Variants in ZFHX2 observed in about 807,000 individuals in gnomAD.
ZFHX2 encodes the protein zinc finger homeobox protein 2.
Under a neutral mutation model 164.8 loss-of-function variants are expected in ZFHX2, and 75 were observed. The ratio of observed to expected loss-of-function variants is 0.46; its 90% confidence interval spans 0.38 to 0.55. The LOEUF is 0.55. Among genes scored for constraint, ZFHX2 ranks in the 20% least tolerant of loss-of-function variants. The pLI, the probability that ZFHX2 is intolerant of heterozygous loss-of-function variation, is 0.00. For synonymous variants in ZFHX2, 1,217 were observed against 1,351.4 expected (o/e 0.90, Z 2.18); for missense variants, 2,933 against 3,308.0 (o/e 0.89, Z 2.78).
rs1881453522 is a variant in ZFHX2 at position 23,546,949 on chromosome 14, C to G, written c.-50+4394G>C. On this transcript the variant is annotated intron_variant, in intron 1 of 9. Transcript: ENST00000419474. This position sits in a 1 kb window ranked among gnomAD's most constrained non-coding sequence, Gnocchi z 4.7. ...AGACTGTCCTCCAGCACTCCCAGCT[C>G]TCTCCCCTGTCTTCTTTTGTAGATT... 6.6e-6 allele frequency among the ~76,000 whole-genome samples: 1 copy of G among 152,208 alleles called. No individual in the cohort carries two copies. Among genetic ancestry groups the G allele is most frequent in the African/African-American group, 2.4e-5 (1 of 41,450 alleles).
At position 23,521,656 on chromosome 14, in the gene ZFHX2, G is replaced by T. The variant is rs1363630679; in HGVS notation, c.*306C>A. On this transcript the variant is annotated 3_prime_UTR_variant, in exon 10 of 10. Transcript: ENST00000419474. Reference sequence around the variant, plus strand: ...GAACCAAGGATATATTTTGTGTGTGGTAGGCAGACATGTATGAATAATCAG... The same window carrying T: ...GAACCAAGGATATATTTTGTGTGTGTTAGGCAGACATGTATGAATAATCAG... 5.7e-6 allele frequency: 2 copies of T among 348,798 alleles called. No homozygotes were observed. The highest frequency in any genetic ancestry group is 4.2e-5 in the African/African-American group (2 of 47,192). The allele number at this position is 348,798 out of a possible 1,614,324, so 21.6% of individuals were successfully genotyped here.
At chr14:23,551,806 T>C (rs1013368514), upstream of ZFHX2, among the ~76,000 whole-genome samples, 3 of 152,078 alleles carry the variant, frequency 2.0e-5, no homozygotes, top group Non-Finnish European at 4.4e-5. This position sits in a 1 kb window ranked among gnomAD's most constrained non-coding sequence, Gnocchi z 5.3. Context: ...ACTGAGCAGG[T>C]GCAGCGACCC....
In ZFHX2 at chr14:23,522,764, C is replaced by G. The variant is rs1446252748; in HGVS notation, c.6917G>C (p.Gly2306Ala). The change falls in exon 10 of 10, where the codon GGG (glycine) becomes GCG (alanine). Residue 2306 changes from glycine to alanine, a missense_variant. Transcript: ENST00000419474. Reference protein sequence around the residue: ...PVPGPPTEPLGDKVSSERKPV... With the variant: ...PVPGPPTEPLADKVSSERKPV... ...CTTTCGCTCACTGGAGACCTTGTCC[C>G]CCAAGGGCTCAGTAGGAGGGCCTGG... is the stretch of plus-strand genomic sequence containing the variant. The G allele has an allele frequency of 6.5e-7, 1 of 1,536,418 alleles. No homozygotes were observed. Among genetic ancestry groups the G allele is most frequent in the African/African-American group, 1.4e-5 (1 of 73,140 alleles).
At position 23,533,821 on chromosome 14, in the gene ZFHX2, T is replaced by C. The variant is rs745408525; in HGVS notation, c.1505A>G (p.Asn502Ser). 1.9e-6 allele frequency: 3 copies of C among 1,543,496 alleles called. No individual in the cohort carries two copies. Among genetic ancestry groups the C allele is most frequent in the Admixed American group, 1.9e-5 (1 of 51,498 alleles). ...HPRLARGESY[N>S]CGYKPYRCDV... ...ACAGCGGTAGGGTTTGTAGCCACAGTTGTAGCTCTCTCCACGAGCAAGGCG... is the reference window on the plus strand; with the variant it reads ...ACAGCGGTAGGGTTTGTAGCCACAGCTGTAGCTCTCTCCACGAGCAAGGCG... Residue 502 changes from asparagine (N) to serine (S), a missense_variant, in exon 2 of 10, where the codon AAC becomes AGC. Transcript: ENST00000419474. The surrounding 1 kb of genome is among the most constrained non-coding windows in gnomAD (Gnocchi z 4.8).
Position 23,524,654 on chromosome 14 carries a change from G to A in ZFHX2, c.5288C>T (p.Pro1763Leu), listed in dbSNP as rs894642740. Residue 1763 changes from proline (P) to leucine (L), a missense_variant, in exon 9 of 10, where the codon CCA becomes CTA. Physicochemically the swap from Pro to Leu is moderately conservative, Grantham distance 98. Coordinates refer to ENST00000419474, the MANE Select transcript of ZFHX2 (RefSeq NM_033400.3). This position sits in a 1 kb window ranked among gnomAD's most constrained non-coding sequence, Gnocchi z 5.6. ...ACAGGTATGGGCTGGGGAAGGTGAT[G>A]GAGTAGCCTTCTCTTCAGGCTCTTT... ...GGKEPEEKAT[P>L]SPSPAHTCDQ... 9.8e-6 allele frequency: 15 copies of A among 1,536,276 alleles called. No individual in the cohort carries two copies. In the Middle Eastern group the frequency reaches 5.0e-4, roughly 51 times the overall value.
At position 23,549,354 on chromosome 14, in the gene ZFHX2, T is replaced by C. The variant is rs202242776; in HGVS notation, c.-50+1989A>G. Among the ~76,000 whole-genome samples the C allele has an allele frequency of 2.0e-5, 3 of 152,120 alleles. No homozygotes were observed. In the East Asian group the frequency reaches 5.8e-4, roughly 29 times the overall value. ...TTAATTCTGTTCACCTCTGAAATCG[T>C]CCATCTTCTGCCCATGTCTGCCTGC... On this transcript the variant is annotated intron_variant, in intron 1 of 9. Transcript: ENST00000419474.
Position 23,551,088 on chromosome 14 carries a change from T to C in ZFHX2, c.-50+255A>G, listed in dbSNP as rs1168846225. Among the ~76,000 whole-genome samples the C allele has an allele frequency of 6.7e-6, 1 of 148,474 alleles. No homozygotes were observed. Among genetic ancestry groups the C allele is most frequent in the African/African-American group, 2.5e-5 (1 of 39,818 alleles). On this transcript the variant is annotated intron_variant, in intron 1 of 9. Coordinates refer to ENST00000419474, the MANE Select transcript of ZFHX2 (RefSeq NM_033400.3). This position sits in a 1 kb window ranked among gnomAD's most constrained non-coding sequence, Gnocchi z 5.3. ...CCGTTTCTCCCTCCACCCCCGCATC[T>C]CTCTTCCCCCATCCTCGCGCACGCC...
chr14:23,545,372 G>A (rs529855101), intron 1 of ZFHX2, among the ~76,000 whole-genome samples: 79 of 152,264 alleles, frequency 5.2e-4, no homozygotes, highest in African/African-American at 1.9e-3. Flanking sequence ...ATTTCCCTGC[G>A]GAGGGGTCAG....
rs1878192051 is a variant in ZFHX2, at chr14:23,522,815, G to A, written c.6866C>T (p.Ser2289Phe). The change falls in exon 10 of 10, where the codon TCC becomes TTC. Residue 2289 changes from serine to phenylalanine, a missense_variant. Physicochemically the swap from Ser to Phe is radical, Grantham distance 155 (BLOSUM62 -2). Coordinates refer to ENST00000419474, the MANE Select transcript of ZFHX2 (RefSeq NM_033400.3). ...GACAGGGTCAGTGGTGCCTGCTGTG[G>A]AGGTGTTGGTTTGGTCGGGCATGGG... is the stretch of plus-strand genomic sequence containing the variant. The part of the protein sequence containing the change: ...QRPMPDQTNT[S>F]TAGTTDPVPG... 6.5e-7 allele frequency: 1 copy of A among 1,535,974 alleles called. No homozygotes were observed. The highest frequency in any genetic ancestry group is 8.7e-7 in the Non-Finnish European group (1 of 1,146,652).
In ZFHX2 at chr14:23,525,450, G is replaced by A. The variant is rs747520239; in HGVS notation, c.4492C>T (p.His1498Tyr). 4 of 1,536,040 alleles carry A rather than the reference G, an allele frequency of 2.6e-6. No individual in the cohort carries two copies. The highest frequency in any genetic ancestry group is 2.6e-6 in the Non-Finnish European group (3 of 1,146,934). ...LFSNMLILKT[H>Y]EEHVHRRFLP... ...AAGCGGCGGTGGACATGTTCCTCGTGTGTCTTGAGGATAAGCATATTGGAG... is the reference window on the plus strand; with the variant it reads ...AAGCGGCGGTGGACATGTTCCTCGTATGTCTTGAGGATAAGCATATTGGAG... The change falls in exon 9 of 10, where the codon CAC becomes TAC. Residue 1498 changes from histidine (H) to tyrosine (Y), a missense_variant. Physicochemically the swap from His to Tyr is moderately conservative, Grantham distance 83. Coordinates refer to ENST00000419474, the MANE Select transcript of ZFHX2 (RefSeq NM_033400.3). This position sits in a 1 kb window ranked among gnomAD's most constrained non-coding sequence, Gnocchi z 5.9.
In ZFHX2 at chr14:23,521,948, C is replaced by G; in HGVS notation, c.*14G>C. The G allele has an allele frequency of 2.0e-6, 3 of 1,535,900 alleles. No individual in the cohort carries two copies. The highest frequency in any genetic ancestry group is 3.3e-4 in the Middle Eastern group (2 of 5,982). On this transcript the variant is annotated 3_prime_UTR_variant, in exon 10 of 10. Transcript: ENST00000419474. ...CCCTGAGGCCCTCCCCTCTCCCCAT[C>G]TTGGTTAATCTGTTTATAAAGCTAG...
In ZFHX2 at chr14:23,535,054, C is replaced by T; in HGVS notation, c.272G>A (p.Gly91Glu). Residue 91 changes from glycine to glutamate, a missense_variant, in exon 2 of 10, where the codon GGG becomes GAG. Transcript: ENST00000419474. This position sits in a 1 kb window ranked among gnomAD's most constrained non-coding sequence, Gnocchi z 4.5. The part of the protein sequence containing the change: ...DCGHFPPNDP[G>E]VEKDKEQEEE... Reference sequence around the variant, plus strand: ...CTCCTGCTCCTTGTCCTTTTCCACCCCTGGGTCATTTGGTGGGAAGTGACC... The same window carrying T: ...CTCCTGCTCCTTGTCCTTTTCCACCTCTGGGTCATTTGGTGGGAAGTGACC... 2.0e-6 allele frequency: 3 copies of T among 1,536,236 alleles called. No individual in the cohort carries two copies. The highest frequency in any genetic ancestry group is 2.6e-6 in the Non-Finnish European group (3 of 1,146,928).
Position 23,535,445 on chromosome 14 carries a change from A to C in ZFHX2, c.-49-71T>G. Reference sequence around the variant, plus strand: ...CCCAGCTGGGCAGCTGGATCTCTGGATACTCCTGCCCCATCCTCTTCCCTG... The same window carrying C: ...CCCAGCTGGGCAGCTGGATCTCTGGCTACTCCTGCCCCATCCTCTTCCCTG... On this transcript the variant is annotated intron_variant, in intron 1 of 9. Transcript: ENST00000419474. This position sits in a 1 kb window ranked among gnomAD's most constrained non-coding sequence, Gnocchi z 4.5. 1 of 1,301,946 alleles carries C rather than the reference A, an allele frequency of 7.7e-7. No homozygotes were observed. The highest frequency in any genetic ancestry group is 1.0e-6 in the Non-Finnish European group (1 of 995,972). The allele number at this position is 1,301,946 out of a possible 1,614,324, so 80.6% of individuals were successfully genotyped here.
At chr14:23,541,343 C>A (rs943621595) in intron 1 of ZFHX2, among the ~76,000 whole-genome samples, 4 of 147,356 alleles carry the variant, frequency 2.7e-5, no homozygotes, top group Non-Finnish European at 5.9e-5. Flanking sequence ...GGCTGGAGTA[C>A]AATGGTGCGA....
At position 23,523,561 on chromosome 14, in the gene ZFHX2, C is replaced by G. The variant is rs541997604; in HGVS notation, c.6381G>C (p.Gly2127=). Residue 2127 remains glycine, a synonymous_variant, in exon 9 of 10, where the codon GGG becomes GGC. Coordinates refer to ENST00000419474, the MANE Select transcript of ZFHX2 (RefSeq NM_033400.3). The surrounding 1 kb of genome is among the most constrained non-coding windows in gnomAD (Gnocchi z 4.1). ...RAKEKKAKLQ[G]TAAGSTGGSS... is the part of the protein sequence containing the mutation. ...TGCCCCCAGTGCTCCCAGCGGCTGT[C>G]CCCTGTAGTTTGGCCTTCTTTTCCT... The G allele has an allele frequency of 1.8e-4, 284 of 1,538,776 alleles. 1 individual carries two copies. The African/African-American group carries it at 3.5e-3, about 19-fold the overall frequency.
Position 23,526,951 on chromosome 14 carries a change from A to C in ZFHX2, c.3158T>G (p.Phe1053Cys). ...GGGTGCAGACAGCACTTTGGTTGTA[A>C]ATGTCATTTCTACAGTTGTAGCCTG... ...LLVATTVEMT[F>C]TTKVLSAPTL... is the part of the protein sequence containing the mutation. Residue 1053 changes from phenylalanine to cysteine, a missense_variant, in exon 8 of 10, where the codon TTT (phenylalanine) becomes TGT (cysteine). Coordinates refer to ENST00000419474, the MANE Select transcript of ZFHX2 (RefSeq NM_033400.3). 1 of 1,525,094 alleles carries C rather than the reference A, an allele frequency of 6.6e-7. No individual in the cohort carries two copies. The highest frequency in any genetic ancestry group is 1.4e-5 in the African/African-American group (1 of 72,408). 94.5% of individuals were successfully genotyped at this position (1,525,094 alleles called of 1,614,324 possible). A position where few individuals can be genotyped will look rare whatever the true frequency, so the allele number is the denominator to read the frequency against.
In ZFHX2 at chr14:23,524,534, T is replaced by TG. The variant is rs769243888; in HGVS notation, c.5407dup (p.Gln1803ProfsTer33). 8 of 1,526,670 alleles carry TG rather than the reference T, an allele frequency of 5.2e-6. No individual in the cohort carries two copies. The highest frequency in any genetic ancestry group is 1.4e-5 in the African/African-American group (1 of 72,926). 94.6% of individuals were successfully genotyped at this position (1,526,670 alleles called of 1,614,324 possible). A position where few individuals can be genotyped will look rare whatever the true frequency, so the allele number is the denominator to read the frequency against. On this transcript the variant is annotated frameshift_variant, in exon 9 of 10. Transcript: ENST00000419474. LOFTEE classifies it high-confidence loss of function. The surrounding 1 kb of genome is among the most constrained non-coding windows in gnomAD (Gnocchi z 5.6). ...CACCAGCAAGGGCAGATCTAGGAGT[T>TG]GGGGGGGAGCACTGGGCTGCAGAGA...
In ZFHX2 at chr14:23,526,552, G is replaced by A. The variant is rs1878736423; in HGVS notation, c.3390C>T (p.Val1130=). 1.3e-6 allele frequency: 2 copies of A among 1,535,782 alleles called. No homozygotes were observed. Among genetic ancestry groups the A allele is most frequent in the Non-Finnish European group, 1.7e-6 (2 of 1,146,832 alleles). The stretch of plus-strand genomic sequence containing the variant: ...CTTCAGCTTGGGCATCAGGTTCAGG[G>A]ACTGGAGATGGGGCTGGAGAAGGGG... ...GQPPSPAPSP[V]PEPDAQAEDV... The change falls in exon 9 of 10, where the codon GTC becomes GTT. Residue 1130 remains valine (V), a synonymous_variant. Transcript: ENST00000419474.
chr14:23,547,966 C>G (rs991440027), intron 1 of ZFHX2, among the ~76,000 whole-genome samples: 2 of 152,286 alleles, frequency 1.3e-5, no homozygotes, highest in African/African-American at 2.4e-5. Context: ...CCATTTCCCC[C>G]CTTTCTGTAC....
Sources: allele counts gnomAD v4.1 joint callset (sites outside exome capture counted in the v4.1 genomes callset), GRCh38; gene constraint gnomAD v4.1.1; non-coding constraint Gnocchi (gnomAD v3.1); transcripts MANE v1.5; gene names NCBI Gene and HGNC (gene_info 2026-07-23, HGNC 2026-07-21).